The following TRPC4AP variants were observed in gnomAD, a reference collection of about 807,000 sequenced individuals.
TRPC4AP encodes the protein transient receptor potential cation channel subfamily C member 4 associated protein, also known as short transient receptor potential channel 4-associated protein.
TRPC4AP carries 45 observed loss-of-function variants against 99.0 expected under a neutral mutation model. The observed-to-expected ratio is 0.45, with a 90% CI of 0.36 to 0.58. The LOEUF is 0.58. Ranked by LOEUF, TRPC4AP falls within the 20% of genes least tolerant of loss-of-function variation. TRPC4AP has a pLI of 0.00. For missense variants in TRPC4AP, 879 were observed against 985.3 expected (o/e 0.89, Z 1.44); for synonymous variants, 408 against 385.8 (o/e 1.06, Z -0.67).
At chr20:35,048,409 G>C (rs1307730481) in intron 6 of TRPC4AP, among the ~76,000 whole-genome samples, 1 of 151,964 alleles carries the variant, frequency 6.6e-6, no homozygotes, top group African/African-American at 2.4e-5. Flanking sequence ...AAATGAGACT[G>C]GGTTTTGCCA....
chr20:35,086,459 GTGTGTGTGTGTGTGTGTATGTGTGTGTA>G (rs2084856095), intron 1 of TRPC4AP, among the ~76,000 whole-genome samples: 1 of 66,168 alleles, frequency 1.5e-5, no homozygotes, highest in African/African-American at 4.8e-5. Flanking sequence ...GTGTGTGTGT[GTGTGTGTGTGTGTGTGTATGTGTGTGTA>G]TATATATATG....
At chr20:35,068,978 C>CACACAAA (rs748790693) in intron 3 of TRPC4AP, among the ~76,000 whole-genome samples, 6 of 95,190 alleles carry the variant, frequency 6.3e-5, no homozygotes, top group African/African-American at 1.6e-4. Flanking sequence ...CACACACACA[C>CACACAAA]AAAAAAAACA....
At chr20:35,019,561 T>C (rs1174376871) in intron 9 of TRPC4AP, among the ~76,000 whole-genome samples, 13 of 152,104 alleles carry the variant, frequency 8.5e-5, no homozygotes, top group Non-Finnish European at 1.9e-4. Context: ...GTTGTGTAAC[T>C]TACTAAATAC....
intron 6 of TRPC4AP, 32 bp from the exon 7 acceptor site, chr20:35,044,744 G>T: frequency 6.2e-7 from 1 of 1,603,518 alleles, no homozygotes; most frequent in Non-Finnish European, 8.5e-7. Flanking sequence ...CAATCCCCAT[G>T]CTCAATTCAC....
intron 10 of TRPC4AP, among the ~76,000 whole-genome samples, chr20:35,013,310 G>T (rs915438321): frequency 6.6e-6 from 1 of 152,142 alleles, no homozygotes; most frequent in Non-Finnish European, 1.5e-5. Flanking sequence ...GCGGGGCGTG[G>T]TGGTTACACC....
chr20:35,041,184 G>C (rs1338309343), intron 7 of TRPC4AP, among the ~76,000 whole-genome samples: 4 of 104,318 alleles, frequency 3.8e-5, no homozygotes, highest in Non-Finnish European at 8.7e-5. Flanking sequence ...ACCTTGTTAT[G>C]GCAGCTCAAG....
chr20:35,047,936 T>C (rs1458696586), intron 6 of TRPC4AP, among the ~76,000 whole-genome samples: 1 of 152,072 alleles, frequency 6.6e-6, no homozygotes, highest in Non-Finnish European at 1.5e-5. Flanking sequence ...TATGTGCCTG[T>C]TCAACTACAA....
At chr20:35,033,210 A>T (rs1343831752) in intron 8 of TRPC4AP, among the ~76,000 whole-genome samples, 1 of 152,146 alleles carries the variant, frequency 6.6e-6, no homozygotes, top group East Asian at 1.9e-4. Context: ...CATTTTAAGT[A>T]ATATACTGTA....
At chr20:35,004,345 G>T in intron 17 of TRPC4AP, 113 bp downstream of exon 17, 1 of 841,620 alleles carries the variant, frequency 1.2e-6, no homozygotes, top group Non-Finnish European at 1.9e-6. Context: ...CAGAAGAGCT[G>T]GGTCTCCAGA....
At chr20:35,019,216 C>A (rs2082828498) in intron 9 of TRPC4AP, among the ~76,000 whole-genome samples, 1 of 152,194 alleles carries the variant, frequency 6.6e-6, no homozygotes, top group Non-Finnish European at 1.5e-5. Flanking sequence ...CGGTGCCCGG[C>A]ACACAGCAGA....
intron 9 of TRPC4AP, among the ~76,000 whole-genome samples, chr20:35,020,134 A>G (rs1407163249): frequency 6.6e-6 from 1 of 152,182 alleles, no homozygotes; most frequent in Non-Finnish European, 1.5e-5. Flanking sequence ...AAACATATCC[A>G]GAATGCAACC....
chr20:35,002,441 A>G lies in TRPC4AP; in HGVS notation c.*705T>C. 1 of 397,668 alleles carries G rather than the reference A, an allele frequency of 2.5e-6. No individual in the cohort carries two copies. The highest frequency in any genetic ancestry group is 4.4e-6 in the Non-Finnish European group (1 of 226,556). The allele number at this position is 397,668 out of a possible 1,614,324, so 24.6% of individuals were successfully genotyped here. A position where few individuals can be genotyped will look rare whatever the true frequency, so the allele number is the denominator to read the frequency against. The stretch of plus-strand genomic sequence containing the variant: ...TAAAGTTATTTAATAGTCTCCATTT[A>G]ATTGGTTTATTTGCTGTTAATAAAT... On this transcript the variant is annotated 3_prime_UTR_variant, in exon 19 of 19. Coordinates refer to ENST00000252015, the MANE Select transcript of TRPC4AP (RefSeq NM_015638.3).
At chr20:35,005,853 G>T in intron 15 of TRPC4AP, 50 bp from the exon 16 acceptor site, 1 of 1,566,106 alleles carries the variant, frequency 6.4e-7, no homozygotes, top group South Asian at 1.1e-5. Context: ...GGCCAGGTAT[G>T]GCCATGGCCC....
rs1468821934 is a variant in TRPC4AP, at chr20:35,032,763, C to T, written c.1051+2360G>A. The stretch of plus-strand genomic sequence containing the variant: ...CTGGGATTACAGGTGTGAGCCAACG[C>T]GCCCAGCCCTTTGATCATATTTTTA... On this transcript the variant is annotated intron_variant, in intron 8 of 18. Transcript: ENST00000252015. Among the ~76,000 whole-genome samples, 8 of 152,176 alleles carry T rather than the reference C, an allele frequency of 5.3e-5. No individual in the cohort carries two copies. In the East Asian group the frequency reaches 9.6e-4, roughly 18 times the overall value.
intron 15 of TRPC4AP, among the ~76,000 whole-genome samples, 183 bp from the exon 16 acceptor site, chr20:35,005,986 C>G (rs4911168): frequency 0.59 from 89,246 of 152,050 alleles, 27,177 homozygotes; most frequent in Middle Eastern, 0.74. Flanking sequence ...AAGAGGCACT[C>G]CCCGGAATTC....
intron 6 of TRPC4AP, 86 bp downstream of exon 6, chr20:35,049,780 A>G: frequency 7.0e-7 from 1 of 1,434,784 alleles, no homozygotes; most frequent in South Asian, 1.5e-5. Context: ...CTTTCTTTTA[A>G]AAAAGCTCTG....
intron 4 of TRPC4AP, among the ~76,000 whole-genome samples, chr20:35,055,663 C>T (rs934023697): frequency 3.9e-5 from 6 of 152,228 alleles, no homozygotes; most frequent in Non-Finnish European, 7.3e-5. Context: ...GCGTGTACCA[C>T]GCCTGGCTAA....
chr20:35,008,868 C>G, intron 12 of TRPC4AP, 121 bp from the exon 13 acceptor site: 5 of 849,352 alleles, frequency 5.9e-6, no homozygotes, highest in Middle Eastern at 2.6e-4. Context: ...CTGCAGGATG[C>G]CTTCCTGCTC....
intron 1 of TRPC4AP, among the ~76,000 whole-genome samples, chr20:35,085,536 C>T (rs2084816339): frequency 6.6e-6 from 1 of 151,460 alleles, no homozygotes; most frequent in Non-Finnish European, 1.5e-5. Context: ...TTGCTTGAGC[C>T]CAGGAGGCGG....
Sources: gnomAD v4.1 joint callset for allele counts (sites outside exome capture counted in the v4.1 genomes callset) on GRCh38, gnomAD v4.1.1 for gene constraint, MANE v1.5 for transcripts, NCBI Gene and HGNC (gene_info 2026-07-23, HGNC 2026-07-21) for gene names.